The following COMMD1 variants were observed in gnomAD, a reference collection of about 807,000 sequenced individuals.
COMMD1 encodes COMM domain-containing protein 1.
Under a neutral mutation model 17.2 loss-of-function variants are expected in COMMD1, and 10 were observed. The ratio of observed to expected loss-of-function variants is 0.58; its 90% CI spans 0.36 to 0.99. The LOEUF is 0.99. Ranked by LOEUF, COMMD1 falls within the 50% of genes least tolerant of loss-of-function variation. The pLI is 0.01. For synonymous variants in COMMD1, 97 were observed against 91.6 expected (o/e 1.06, Z -0.34); for missense variants, 270 against 231.8 (o/e 1.17, Z -1.07).
chr2:62,123,498 T>C (rs1351069874), intron 2 of COMMD1, among the ~76,000 whole-genome samples: 1 of 92,220 alleles, frequency 1.1e-5, no homozygotes, highest in African/African-American at 4.2e-5. Context: ...AAGCAAGACA[T>C]GTGAAAAAAA....
intron 2 of COMMD1, among the ~76,000 whole-genome samples, chr2:62,005,082 C>G (rs1359669316): frequency 6.6e-6 from 1 of 152,204 alleles, no homozygotes; most frequent in Non-Finnish European, 1.5e-5. Context: ...CATGTTGATG[C>G]TCAGACCTTA....
chr2:61,919,621 G>C (rs911669107), intron 1 of COMMD1, among the ~76,000 whole-genome samples: 1 of 147,704 alleles, frequency 6.8e-6, no homozygotes, highest in Non-Finnish European at 1.5e-5. Flanking sequence ...GTTTTATATA[G>C]TTTAATTTGG....
chr2:61,897,138 T>A (rs1054410614), intron 1 of COMMD1, among the ~76,000 whole-genome samples: 18 of 152,164 alleles, frequency 1.2e-4, no homozygotes, highest in Middle Eastern at 3.2e-3. Context: ...CTAGAGGATA[T>A]TCTTAACACC....
intron 1 of COMMD1, among the ~76,000 whole-genome samples, chr2:61,931,681 C>A (rs895313764): frequency 6.6e-6 from 1 of 152,160 alleles, no homozygotes; most frequent in Non-Finnish European, 1.5e-5. Flanking sequence ...TAGTCCATTA[C>A]CTATATGTTT....
At chr2:61,993,453 C>T (rs2103785223) in intron 1 of COMMD1, among the ~76,000 whole-genome samples, 1 of 152,322 alleles carries the variant, frequency 6.6e-6, no homozygotes. Flanking sequence ...CTAGGCTTTA[C>T]TCCATAATTC....
intron 1 of COMMD1, among the ~76,000 whole-genome samples, chr2:61,953,328 T>G (rs1443611192): frequency 6.6e-6 from 1 of 151,854 alleles, no homozygotes; most frequent in East Asian, 1.9e-4. Context: ...TTTATATTTC[T>G]GAGAGTTTTA....
At chr2:61,893,275 C>T (rs866697968) in intron 1 of COMMD1, among the ~76,000 whole-genome samples, 1 of 151,938 alleles carries the variant, frequency 6.6e-6, no homozygotes, top group African/African-American at 2.4e-5. Flanking sequence ...TTCTAGTTAA[C>T]ATTTTTGTTA....
In COMMD1 at chr2:62,085,814, C is replaced by T. The variant is rs533448929; in HGVS notation, c.463-50017C>T. On this transcript the variant is annotated intron_variant, in intron 2 of 2. Transcript: ENST00000311832. ...CTAACATGGTGAAACCCCGTCTCTACTAAAAAAATACAAAAAATTAGCGGG... is the reference window on the plus strand; with the variant it reads ...CTAACATGGTGAAACCCCGTCTCTATTAAAAAAATACAAAAAATTAGCGGG... 1.3e-3 allele frequency among the ~76,000 whole-genome samples: 191 copies of T among 151,428 alleles called. 1 individual carries two copies. Among genetic ancestry groups the T allele is most frequent in the Middle Eastern group, 6.9e-3 (2 of 290 alleles).
At chr2:62,104,757 A>G (rs865831919) in intron 2 of COMMD1, among the ~76,000 whole-genome samples, 1 of 152,206 alleles carries the variant, frequency 6.6e-6, no homozygotes. Flanking sequence ...GCCAGGCACA[A>G]TGCTAGGTGC....
intron 1 of COMMD1, chr2:61,969,116 A>G (rs1671581459): frequency 2.9e-6 from 1 of 347,110 alleles, no homozygotes; most frequent in Non-Finnish European, 5.9e-6. Context: ...ACACCACCAC[A>G]TCTGGCTTTT....
In COMMD1 at chr2:61,925,060, G is replaced by C. The variant is rs185336281; in HGVS notation, c.180+19202G>C. Among the ~76,000 whole-genome samples, 93 of 152,262 alleles carry C rather than the reference G, an allele frequency of 6.1e-4. 1 individual carries two copies. The highest frequency in any genetic ancestry group is 6.1e-3 in the Admixed American group (93 of 15,288). The stretch of plus-strand genomic sequence containing the variant: ...AGGCAACAGTCTCTTCACTCACCCT[G>C]GTGGAGGCTTTGATGCATTGATGGT... On this transcript the variant is annotated intron_variant, in intron 1 of 2. Transcript: ENST00000311832.
At chr2:62,016,305 C>T (rs937156112) in intron 2 of COMMD1, among the ~76,000 whole-genome samples, 1 of 149,232 alleles carries the variant, frequency 6.7e-6, no homozygotes, top group African/African-American at 2.5e-5. Flanking sequence ...GCCTCCCAAG[C>T]TCCAGTGTTC....
chr2:62,082,903 C>G (rs1163349331), intron 2 of COMMD1, among the ~76,000 whole-genome samples: 1 of 152,154 alleles, frequency 6.6e-6, no homozygotes, highest in East Asian at 1.9e-4. Context: ...AAGTTTCCTT[C>G]CCTTCCTTGA....
upstream of COMMD1, among the ~76,000 whole-genome samples, chr2:61,902,423 T>A (rs571179595): frequency 2.6e-5 from 4 of 152,000 alleles, no homozygotes; most frequent in South Asian, 2.1e-4. Flanking sequence ...GGAGAATCGT[T>A]TGAACCCGGG....
intron 1 of COMMD1, among the ~76,000 whole-genome samples, chr2:61,893,958 G>A (rs1047451314): frequency 1.3e-5 from 2 of 152,096 alleles, no homozygotes; most frequent in Non-Finnish European, 2.9e-5. Context: ...CACTACTCAC[G>A]AAGTTCAGGT....
chr2:62,059,393 C>T lies in COMMD1; in HGVS notation c.462+58411C>T, dbSNP rs559923304. Among the ~76,000 whole-genome samples the T allele has an allele frequency of 3.9e-5, 6 of 152,098 alleles. No homozygotes were observed. The East Asian group carries it at 5.8e-4, about 15-fold the overall frequency. ...CTGGTCTCCAACTTCTGGACTCAAG[C>T]GATCCTCCCACCTTGGCCTCCCAAG... On this transcript the variant is annotated intron_variant, in intron 2 of 2. Coordinates refer to ENST00000311832, the MANE Select transcript of COMMD1 (RefSeq NM_152516.4).
chr2:61,905,958 A>G (rs1669762229), intron 1 of COMMD1, 100 bp downstream of exon 1: 6 of 1,238,674 alleles, frequency 4.8e-6, no homozygotes, highest in South Asian at 3.7e-5. Flanking sequence ...ACAAGCCGAA[A>G]GGCTTTTCCC....
intron 2 of COMMD1, among the ~76,000 whole-genome samples, chr2:62,040,791 AC>A (rs1265334843): frequency 2.0e-5 from 3 of 152,010 alleles, no homozygotes; most frequent in Admixed American, 6.6e-5. Flanking sequence ...ACTCACTGCA[AC>A]TTCTGCCTCC....
rs373949671 is a variant in COMMD1 at position 62,036,036 on chromosome 2, A to G, written c.462+35054A>G. On this transcript the variant is annotated intron_variant, in intron 2 of 2. Coordinates refer to ENST00000311832, the MANE Select transcript of COMMD1 (RefSeq NM_152516.4). ...TCCATTGTACTCCAGCCTGGGTGATAGAGTGAGACCCTGTCTCTCACACAC... is the reference window on the plus strand; with the variant it reads ...TCCATTGTACTCCAGCCTGGGTGATGGAGTGAGACCCTGTCTCTCACACAC... 2.8e-4 allele frequency among the ~76,000 whole-genome samples: 42 copies of G among 150,648 alleles called. 1 individual carries two copies. Among genetic ancestry groups the G allele is most frequent in the African/African-American group, 9.7e-4 (39 of 40,276 alleles).
Sources: gnomAD v4.1 joint callset for allele counts (sites outside exome capture counted in the v4.1 genomes callset) on GRCh38, gnomAD v4.1.1 for gene constraint, MANE v1.5 for transcripts, NCBI Gene and HGNC (gene_info 2026-07-23, HGNC 2026-07-21) for gene names.